CCAT2: variants seen among roughly 807,000 people sequenced by gnomAD.
The protein encoded by CCAT2 is colon cancer associated transcript 2, also known as colon cancer associated transcript 2 (non-protein coding).
chr8:127,401,413 G>C (rs1033352991), exon 1 of CCAT2: 1 of 152,216 alleles, frequency 6.6e-6, no homozygotes. Context: ...CATGCCCTAC[G>C]TAAGTTCTAC....
exon 1 of CCAT2, chr8:127,400,430 T>G (rs1814925679): frequency 1.3e-5 from 2 of 152,222 alleles, no homozygotes; most frequent in South Asian, 4.1e-4. Flanking sequence ...TCCTGGATGT[T>G]CTGGGTCTTG....
exon 1 of CCAT2, chr8:127,401,804 G>T (rs943436999): frequency 6.6e-6 from 1 of 152,210 alleles, no homozygotes; most frequent in African/African-American, 2.4e-5. Context: ...TCTCTCTGGG[G>T]TGTATCTGGT....
At chr8:127,401,482 T>C (rs1036340996) in exon 1 of CCAT2, 3 of 152,228 alleles carry the variant, frequency 2.0e-5, no homozygotes, top group Admixed American at 1.3e-4. Flanking sequence ...ACCCCCAAAA[T>C]GTACAAATGT....
chr8:127,401,583 T>G (rs567176608), exon 1 of CCAT2: 2 of 152,272 alleles, frequency 1.3e-5, no homozygotes, highest in Non-Finnish European at 2.9e-5. Flanking sequence ...TATGGTTTTA[T>G]GCCATCTATT....
chr8:127,400,578 A>G (rs189086557), exon 1 of CCAT2: 1 of 152,354 alleles, frequency 6.6e-6, no homozygotes, highest in Non-Finnish European at 1.5e-5. Context: ...TATAGACACC[A>G]AGAGGGAGGT....
chr8:127,401,117 G>C (rs557753147), exon 1 of CCAT2: 1 of 152,156 alleles, frequency 6.6e-6, no homozygotes, highest in Non-Finnish European at 1.5e-5. Flanking sequence ...TATTTTATGT[G>C]GGGGAGGGAG....
At chr8:127,400,810 C>G (rs1203065576) in exon 1 of CCAT2, 1 of 152,220 alleles carries the variant, frequency 6.6e-6, no homozygotes, top group Non-Finnish European at 1.5e-5. Context: ...TTCCACAGCC[C>G]TCCAGCATTT....
At chr8:127,400,737 G>A (rs937589557) in exon 1 of CCAT2, 2 of 152,208 alleles carry the variant, frequency 1.3e-5, no homozygotes, top group African/African-American at 4.8e-5. Context: ...CTGCATCTGG[G>A]AAATGAAGGC....
chr8:127,401,825 T>C (rs1814941873), exon 1 of CCAT2: 1 of 152,250 alleles, frequency 6.6e-6, no homozygotes, highest in African/African-American at 2.4e-5. Context: ...GAGAGCTTTC[T>C]CTGGGAGATG....
exon 1 of CCAT2, chr8:127,401,987 G>C (rs1814943536): frequency 6.6e-6 from 1 of 151,850 alleles, no homozygotes; most frequent in African/African-American, 2.4e-5. Flanking sequence ...CGCTGACAGA[G>C]ATTGCTTACA....
chr8:127,400,956 C>G (rs1473840802), exon 1 of CCAT2: 1 of 152,256 alleles, frequency 6.6e-6, no homozygotes, highest in Non-Finnish European at 1.5e-5. Context: ...CCTATCTCAG[C>G]TCCCTATCCA....
exon 1 of CCAT2, chr8:127,401,428 A>C (rs959028571): frequency 6.6e-6 from 1 of 152,248 alleles, no homozygotes; most frequent in Non-Finnish European, 1.5e-5. Context: ...TTCTACCAGC[A>C]AGTCCCAACA....
At chr8:127,401,674 A>C (rs1003296352) in exon 1 of CCAT2, 3 of 152,222 alleles carry the variant, frequency 2.0e-5, no homozygotes, top group African/African-American at 7.2e-5. Flanking sequence ...ATTTCAGTTC[A>C]TATTAAGCCC....
exon 1 of CCAT2, chr8:127,401,374 G>A (rs575344133): frequency 6.6e-6 from 1 of 152,322 alleles, no homozygotes; most frequent in South Asian, 2.1e-4. Flanking sequence ...TGTAGGAAGA[G>A]TCAAATAGTT....
At chr8:127,400,409 C>T (rs1423253423) in exon 1 of CCAT2, 11 of 152,162 alleles carry the variant, frequency 7.2e-5, no homozygotes, top group African/African-American at 2.7e-4. Flanking sequence ...CCGAGGTGAT[C>T]AGGTGGACTT....
exon 1 of CCAT2, chr8:127,400,517 T>C (rs997388756): frequency 5.9e-5 from 9 of 152,164 alleles, no homozygotes; most frequent in African/African-American, 2.2e-4. Flanking sequence ...TCATCAGACA[T>C]TTCTTGAACA....
At chr8:127,400,481 A>C (rs961982647) in exon 1 of CCAT2, 2 of 152,234 alleles carry the variant, frequency 1.3e-5, no homozygotes, top group Non-Finnish European at 2.9e-5. Context: ...AGAGAAGAAG[A>C]AAGCTAGTAT....
exon 1 of CCAT2, chr8:127,400,789 C>G (rs1404164151): frequency 6.6e-6 from 1 of 152,252 alleles, no homozygotes; most frequent in Non-Finnish European, 1.5e-5. Flanking sequence ...GCTCTTATTG[C>G]ATGATTCCAC....
chr8:127,401,706 A>C (rs1258841157), exon 1 of CCAT2: 1 of 152,144 alleles, frequency 6.6e-6, no homozygotes, highest in Non-Finnish European at 1.5e-5. Context: ...TGAATAGGAG[A>C]GCTATTAGAC....
Sources: allele counts gnomAD v4.1 joint callset, GRCh38; gene constraint gnomAD v4.1.1; transcripts MANE v1.5; gene names NCBI Gene and HGNC (gene_info 2026-07-23, HGNC 2026-07-21).